The following PRKCH variants were observed in gnomAD, a reference collection of about 807,000 sequenced individuals.
The protein encoded by PRKCH is protein kinase C eta type.
In PRKCH, 28 loss-of-function variants were observed where a neutral mutation model predicts 82.5. The ratio of observed to expected loss-of-function variants is 0.34; its 90% confidence interval spans 0.25 to 0.47. The LOEUF is 0.47. Among genes scored for constraint, PRKCH ranks in the 20% least tolerant of loss-of-function variants. The pLI, the probability that PRKCH is intolerant of heterozygous loss-of-function variation, is 1.00. For missense variants in PRKCH, 705 were observed against 881.8 expected (o/e 0.80, Z 2.54); for synonymous variants, 322 against 327.4 (o/e 0.98, Z 0.18).
chr14:61,457,462 C>T (rs1002914182), intron 8 of PRKCH, 44 bp from the exon 9 acceptor site: 7 of 1,604,634 alleles, frequency 4.4e-6, no homozygotes, highest in Non-Finnish European at 4.3e-6. Flanking sequence ...CCCTAAGACC[C>T]CCAAGAGGAC....
chr14:61,536,697 G>A (rs753120891), intron 12 of PRKCH, among the ~76,000 whole-genome samples: 2 of 152,160 alleles, frequency 1.3e-5, no homozygotes, highest in Non-Finnish European at 2.9e-5. Context: ...TTCATCTGGC[G>A]TGATGTCAGC....
chr14:61,395,847 A>G (rs146962301), intron 2 of PRKCH, among the ~76,000 whole-genome samples: 3,149 of 152,240 alleles, frequency 0.021, 74 homozygotes, highest in East Asian at 0.081. Context: ...TGGGAGGCTG[A>G]GGCAGGCAGA....
chr14:61,433,043 CAAAAA>C (rs34477992), intron 2 of PRKCH, among the ~76,000 whole-genome samples: 3 of 110,968 alleles, frequency 2.7e-5, no homozygotes, highest in Admixed American at 9.4e-5. Context: ...CCAACCTCTT[CAAAAA>C]AAAAAAAAAA....
In PRKCH at chr14:61,314,404, A is replaced by G. The variant is rs1033442534; in HGVS notation, c.-19+126736A>G. ...TGAGATGTCAAAAAATAAATTAGCC[A>G]TAGAAGAGATTTGTATTTGTTTTGT... On this transcript the variant is annotated intron_variant, in intron 1 of 3. Transcript: ENST00000555185. Among the ~76,000 whole-genome samples, 3 of 152,226 alleles carry G rather than the reference A, an allele frequency of 2.0e-5. No individual in the cohort carries two copies. In the East Asian group the frequency reaches 5.8e-4, roughly 29 times the overall value.
rs1455550636 is a variant in PRKCH at position 61,445,751 on chromosome 14, GT to G, written c.613+28del. On this transcript the variant is annotated intron_variant, in intron 4 of 13. Coordinates refer to ENST00000332981, the MANE Select transcript of PRKCH (RefSeq NM_006255.5). ...GGTAAGGAAACATTTTTAAAACCAT[GT>G]TTCATTTTGTTCCTATGTTAAAAGA... The G allele has an allele frequency of 1.9e-6, 3 of 1,582,686 alleles. No homozygotes were observed. In the East Asian group the frequency reaches 6.7e-5, roughly 35 times the overall value.
At chr14:61,217,858 G>T (rs923742535) in intron 1 of PRKCH, among the ~76,000 whole-genome samples, 6 of 152,116 alleles carry the variant, frequency 3.9e-5, no homozygotes, top group African/African-American at 9.7e-5. Flanking sequence ...CTTTTTAAAA[G>T]AATTCCTGTT....
chr14:61,258,927 C>G (rs1042009972), intron 1 of PRKCH, among the ~76,000 whole-genome samples: 18 of 152,182 alleles, frequency 1.2e-4, no homozygotes, highest in African/African-American at 4.3e-4. Flanking sequence ...TGATTGTTAG[C>G]TCCTTCCTCG....
rs781220333 is a variant in PRKCH, at chr14:61,214,239, T to C, written c.-19+26571T>C. 4.5e-4 allele frequency among the ~76,000 whole-genome samples: 69 copies of C among 152,114 alleles called. 1 individual carries two copies. Among genetic ancestry groups the C allele is most frequent in the Non-Finnish European group, 8.7e-4 (59 of 68,014 alleles). ...TTGTACCTGGCAGGGCCTTAAGAAATGTGTGTTAAGTGAATGGCTTCTCCA... is the reference window on the plus strand; with the variant it reads ...TTGTACCTGGCAGGGCCTTAAGAAACGTGTGTTAAGTGAATGGCTTCTCCA... On this transcript the variant is annotated intron_variant, in intron 1 of 3. Coordinates refer to the PRKCH transcript ENST00000555185.
chr14:61,417,850 T>G (rs1190922759), intron 2 of PRKCH, among the ~76,000 whole-genome samples: 1 of 152,222 alleles, frequency 6.6e-6, no homozygotes, highest in East Asian at 1.9e-4. Context: ...TGTTTGTGTT[T>G]GCAGTACATT....
chr14:61,352,781 C>T (rs2046100251), intron 1 of PRKCH, among the ~76,000 whole-genome samples: 1 of 151,996 alleles, frequency 6.6e-6, no homozygotes, highest in Non-Finnish European at 1.5e-5. Context: ...AATATACTAA[C>T]AGAGAGGCAT....
rs144666734 is a variant in PRKCH, at chr14:61,485,786, T to G, written c.1433+130T>G. 7.2e-5 allele frequency: 96 copies of G among 1,326,628 alleles called. No homozygotes were observed. The African/African-American group carries it at 1.3e-3, about 18-fold the overall frequency. 82.2% of individuals were successfully genotyped at this position (1,326,628 alleles called of 1,614,324 possible). A position where few individuals can be genotyped will look rare whatever the true frequency, so the allele number is the denominator to read the frequency against. On this transcript the variant is annotated intron_variant, in intron 10 of 13. Transcript: ENST00000332981. ...AATTAAATTCACAGAAGTTTTGTTT[T>G]GGTTTTTGTTTTTGAGACAGGGTCT...
At chr14:61,427,411 A>C (rs555803472) in intron 2 of PRKCH, among the ~76,000 whole-genome samples, 3 of 152,316 alleles carry the variant, frequency 2.0e-5, no homozygotes, top group African/African-American at 7.2e-5. Context: ...TGCTAGACTC[A>C]ACAGTTAATC....
intron 4 of PRKCH, among the ~76,000 whole-genome samples, chr14:61,447,835 G>A (rs1477569392): frequency 6.6e-6 from 1 of 152,132 alleles, no homozygotes; most frequent in Non-Finnish European, 1.5e-5. Context: ...GCATACAGTA[G>A]GAAAGTAGAA....
At chr14:61,516,612 C>T (rs1213669063) in intron 10 of PRKCH, among the ~76,000 whole-genome samples, 1 of 152,076 alleles carries the variant, frequency 6.6e-6, no homozygotes, top group Non-Finnish European at 1.5e-5. Context: ...AGTGCTGGGG[C>T]CGGAGTGAGT....
At chr14:61,263,863 G>A (rs879867467) in intron 1 of PRKCH, among the ~76,000 whole-genome samples, 1,724 of 33,820 alleles carry the variant, frequency 0.051, 12 homozygotes, top group Non-Finnish European at 0.11. Flanking sequence ...GTGTGTGTGT[G>A]TGTGTGTGTG....
rs183760523 is a variant in PRKCH at position 61,448,997 on chromosome 14, G to A, written c.614-167G>A. The stretch of plus-strand genomic sequence containing the variant: ...AGTTTGAGCCTGAGCAAAGGTCTGT[G>A]TTAGGATGGTGGCGAAGGCAATAGG... On this transcript the variant is annotated intron_variant, in intron 4 of 13. Transcript: ENST00000332981. Among the ~76,000 whole-genome samples the A allele has an allele frequency of 1.5e-3, 236 of 152,288 alleles. 2 individuals are homozygous for A. Among genetic ancestry groups the A allele is most frequent in the South Asian group, 9.5e-3 (46 of 4,818 alleles).
intron 1 of PRKCH, among the ~76,000 whole-genome samples, chr14:61,390,310 G>T (rs937787370): frequency 6.6e-6 from 1 of 152,218 alleles, no homozygotes; most frequent in Non-Finnish European, 1.5e-5. Flanking sequence ...TGCATTGCTT[G>T]CAGAATGCAT....
intron 1 of PRKCH, chr14:61,304,570 A>T (rs994689640): frequency 6.6e-6 from 1 of 152,050 alleles, no homozygotes; most frequent in African/African-American, 2.4e-5. Context: ...CACACTTGTA[A>T]TCCCAGCACT....
intron 1 of PRKCH, among the ~76,000 whole-genome samples, chr14:61,337,772 T>C (rs1376140494): frequency 1.3e-5 from 2 of 152,250 alleles, no homozygotes; most frequent in African/African-American, 4.8e-5. Context: ...ATTTGTTTAC[T>C]GGACACTTGT....
Sources: gnomAD v4.1 joint callset for allele counts (sites outside exome capture counted in the v4.1 genomes callset) on GRCh38, gnomAD v4.1.1 for gene constraint, MANE v1.5 for transcripts, NCBI Gene and HGNC (gene_info 2026-07-23, HGNC 2026-07-21) for gene names.